RNF135: variants seen among roughly 807,000 people sequenced by gnomAD.
RNF135 encodes E3 ubiquitin-protein ligase RNF135.
RNF135 carries 46 observed loss-of-function variants against 41.9 expected under a neutral mutation model. The ratio of observed to expected loss-of-function variants is 1.10; its 90% CI spans 0.87 to 1.40. The LOEUF is 1.40. Ranked by LOEUF, RNF135 falls within the 40% of genes most tolerant of loss-of-function variation. The probability of loss-of-function intolerance (pLI) is 0.00; values close to 1 mark genes in which losing one functional copy is unlikely to be tolerated. For missense variants in RNF135, 539 were observed against 549.8 expected (o/e 0.98, Z 0.20); for synonymous variants, 238 against 223.8 (o/e 1.06, Z -0.57).
intron 1 of RNF135, among the ~76,000 whole-genome samples, chr17:30,981,233 G>A (rs1907126710): frequency 1.3e-5 from 2 of 148,650 alleles, no homozygotes; most frequent in South Asian, 4.2e-4. Flanking sequence ...GGCGGCGCGC[G>A]CCTGCAATCG....
intron 2 of RNF135, among the ~76,000 whole-genome samples, chr17:30,986,964 A>G (rs771996061): frequency 2.6e-5 from 4 of 152,218 alleles, no homozygotes; most frequent in African/African-American, 7.2e-5. Context: ...GGCAATATCT[A>G]GCATGTAGAA....
At position 30,971,058 on chromosome 17, in the gene RNF135, C is replaced by CG; in HGVS notation, c.-14dup. On this transcript the variant is annotated 5_prime_UTR_variant, in exon 1 of 5. Transcript: ENST00000328381. ...CGGCTCAACCCCGACGTCCGCGCCC[C>CG]GGCCGCCTGTTGGCCATGGCGGGCC... The CG allele has an allele frequency of 1.3e-6, 2 of 1,533,876 alleles. No individual in the cohort carries two copies. Among genetic ancestry groups the CG allele is most frequent in the Non-Finnish European group, 1.7e-6 (2 of 1,145,898 alleles).
rs764458756 is a variant in RNF135, at chr17:30,999,140, G to C, written c.1248G>C (p.Leu416=). 1.2e-6 allele frequency: 2 copies of C among 1,614,142 alleles called. No individual in the cohort carries two copies. The highest frequency in any genetic ancestry group is 1.7e-6 in the Non-Finnish European group (2 of 1,180,028). The change falls in exon 5 of 5, where the codon CTG becomes CTC. Residue 416 remains leucine, a synonymous_variant. Transcript: ENST00000328381. ...CTCCTTTGTACCCTGCCTTCTGGCT[G>C]TATGGCTTACATCCTGGAAATTACC... The part of the protein sequence containing the change: ...ASSPLYPAFW[L]YGLHPGNYLI...
At chr17:30,983,353 A>ATATATATATATATATATAT (rs1420453160) in intron 1 of RNF135, among the ~76,000 whole-genome samples, 1 of 35,732 alleles carries the variant, frequency 2.8e-5, no homozygotes, top group African/African-American at 9.1e-5. Context: ...ATATATATAT[A>ATATATATATATATATATAT]TTTTTTTTTT....
chr17:30,963,093 C>CTTTTTTT, the RNF135 span, among the ~76,000 whole-genome samples: 10 of 99,378 alleles, frequency 1.0e-4, no homozygotes, highest in Non-Finnish European at 1.5e-4. Flanking sequence ...GATTCCCTAG[C>CTTTTTTT]TTTTTTTTTT....
chr17:30,979,338 G>A (rs1906777726), intron 1 of RNF135: 1 of 129,616 alleles, frequency 7.7e-6, no homozygotes, highest in Admixed American at 7.3e-5. Context: ...CTCACCTCCT[G>A]GATAGGGCGG....
intron 1 of RNF135, 105 bp downstream of exon 1, chr17:30,971,550 G>A (rs764064924): frequency 2.2e-6 from 3 of 1,377,282 alleles, no homozygotes; most frequent in East Asian, 3.0e-5. Context: ...CTACTTTTAC[G>A]TTCCTTTTCT....
chr17:30,964,030 G>A, the RNF135 span, among the ~76,000 whole-genome samples: 143 of 152,214 alleles, frequency 9.4e-4, no homozygotes, highest in South Asian at 2.9e-3. Flanking sequence ...GTGGAAGTAA[G>A]AATAATGGAA....
the RNF135 span, among the ~76,000 whole-genome samples, chr17:30,965,949 T>G: frequency 6.6e-6 from 1 of 152,206 alleles, no homozygotes; most frequent in Non-Finnish European, 1.5e-5. Context: ...TCTACAATAG[T>G]GATGTTATCT....
chr17:30,970,711 GTTGT>G (rs757538307), upstream of RNF135: 3 of 310,026 alleles, frequency 9.7e-6, no homozygotes, highest in African/African-American at 2.2e-5. Flanking sequence ...CATCTTTTTT[GTTGT>G]TTATTTTTTT....
chr17:30,969,741 C>G (rs369625605), upstream of RNF135, among the ~76,000 whole-genome samples: 3 of 142,362 alleles, frequency 2.1e-5, no homozygotes, highest in Non-Finnish European at 1.6e-5. Context: ...TTTTTTCTTT[C>G]TTTTCTTTCT....
intron 1 of RNF135, chr17:30,975,378 A>T (rs919644426): frequency 4.0e-6 from 3 of 757,216 alleles, no homozygotes; most frequent in Non-Finnish European, 7.3e-6. Flanking sequence ...ACACATCTGG[A>T]TTAGAAGATG....
intron 3 of RNF135, among the ~76,000 whole-genome samples, chr17:30,994,765 C>T (rs1018469755): frequency 6.6e-6 from 1 of 150,970 alleles, no homozygotes; most frequent in African/African-American, 2.4e-5. Flanking sequence ...TCCCAAGTAG[C>T]TGGCATTACA....
intron 3 of RNF135, among the ~76,000 whole-genome samples, chr17:30,994,847 A>G (rs1179244761): frequency 1.3e-5 from 2 of 151,472 alleles, no homozygotes; most frequent in African/African-American, 2.4e-5. Context: ...CATGTTGGCC[A>G]GGCTGGTCTC....
intron 3 of RNF135, among the ~76,000 whole-genome samples, chr17:30,992,953 A>C (rs1199737124): frequency 1.3e-5 from 2 of 151,650 alleles, no homozygotes; most frequent in African/African-American, 4.8e-5. Context: ...TTTACATTTA[A>C]ATCTTTGGTT....
chr17:30,971,678 C>T, intron 1 of RNF135: 1 of 1,342,108 alleles, frequency 7.5e-7, no homozygotes, highest in Non-Finnish European at 9.5e-7. Context: ...AGCTGTTACA[C>T]AGCTTGGCAT....
intron 1 of RNF135, among the ~76,000 whole-genome samples, chr17:30,982,785 A>C (rs1488206269): frequency 6.6e-6 from 1 of 152,208 alleles, no homozygotes. Flanking sequence ...ATACATTCAC[A>C]ATGTTTTGAA....
intron 1 of RNF135, chr17:30,980,047 C>G (rs1906941958): frequency 7.5e-6 from 1 of 133,172 alleles, no homozygotes; most frequent in Non-Finnish European, 1.6e-5. Context: ...GACCCCCCAC[C>G]TCCCTCCCGG....
chr17:30,996,380 G>A (rs1357179588), intron 3 of RNF135, among the ~76,000 whole-genome samples: 1 of 152,228 alleles, frequency 6.6e-6, no homozygotes, highest in South Asian at 2.1e-4. Flanking sequence ...GAACCACTGC[G>A]CCCAGGCAGT....
Sources: gnomAD v4.1 joint callset for allele counts (sites outside exome capture counted in the v4.1 genomes callset) on GRCh38, gnomAD v4.1.1 for gene constraint, MANE v1.5 for transcripts, NCBI Gene and HGNC (gene_info 2026-07-23, HGNC 2026-07-21) for gene names.